Variants in SIRT2 observed in about 807,000 individuals in gnomAD.
SIRT2 encodes sirtuin 2.
Under a neutral mutation model 57.4 loss-of-function variants are expected in SIRT2, and 40 were observed. The ratio of observed to expected loss-of-function variants is 0.70; its 90% confidence interval spans 0.54 to 0.91. SIRT2 has a LOEUF of 0.91. Ranked by LOEUF, SIRT2 falls within the 40% of genes least tolerant of loss-of-function variation. SIRT2 has a pLI of 0.00. For missense variants in SIRT2, 439 were observed against 510.4 expected, an observed-to-expected ratio of 0.86 and a Z score of 1.35; for synonymous variants, 161 against 195.7, an observed-to-expected ratio of 0.82 and a Z score of 1.48.
At chr19:38,893,724 C>T (rs1600126894) in intron 3 of SIRT2, 95 bp downstream of exon 3, 1 of 1,474,278 alleles carries the variant, frequency 6.8e-7, no homozygotes, top group Non-Finnish European at 9.4e-7. Context: ...GGATGTCACT[C>T]CTGATGGAGT....
Position 38,889,712 on chromosome 19 carries a change from C to T in SIRT2, c.409G>A (p.Glu137Lys), listed in dbSNP as rs753231190. ...ACCTTGAACTGCCCAGGATAGAGTT[C>T]CTTGGCGAGGGCGAAGAAGGGTTCC... ...HPEPFFALAK[E>K]LYPGQFKPTI... Residue 137 changes from glutamate (E) to lysine (K), a missense_variant, in exon 7 of 16, where the codon GAA becomes AAA. Glu to Lys is a moderately conservative substitution (Grantham distance 56). Transcript: ENST00000249396. 1.2e-6 allele frequency: 2 copies of T among 1,614,106 alleles called. No individual in the cohort carries two copies. The highest frequency in any genetic ancestry group is 8.5e-7 in the Non-Finnish European group (1 of 1,180,022).
chr19:38,885,487 G>A (rs572248434), intron 8 of SIRT2, among the ~76,000 whole-genome samples: 12 of 149,618 alleles, frequency 8.0e-5, no homozygotes, highest in African/African-American at 2.7e-4. Flanking sequence ...GTACAATGGC[G>A]CTATCTCGGC....
chr19:38,887,227 C>T (rs1481632300), intron 8 of SIRT2, among the ~76,000 whole-genome samples: 2 of 152,156 alleles, frequency 1.3e-5, no homozygotes, highest in African/African-American at 4.8e-5. Context: ...CTTATATGCT[C>T]AGTATATGGT....
intron 8 of SIRT2, among the ~76,000 whole-genome samples, chr19:38,884,456 G>GTTTT (rs1169106739): frequency 2.0e-5 from 3 of 150,516 alleles, no homozygotes; most frequent in African/African-American, 7.4e-5. Flanking sequence ...TTGTTTGTTT[G>GTTTT]TTTGTTTTTT....
intron 4 of SIRT2, among the ~76,000 whole-genome samples, chr19:38,892,764 G>C (rs372847620): frequency 5.5e-5 from 8 of 146,142 alleles, no homozygotes; most frequent in Non-Finnish European, 1.0e-4. Context: ...TAGAGATGGC[G>C]GGGGGGTCTC....
chr19:38,891,104 C>T (rs904658719), intron 4 of SIRT2, among the ~76,000 whole-genome samples: 5 of 152,246 alleles, frequency 3.3e-5, no homozygotes, highest in Admixed American at 2.0e-4. Flanking sequence ...TACACTGAGT[C>T]GTGACCTTTT....
At chr19:38,897,157 G>A (rs901713616) in intron 2 of SIRT2, among the ~76,000 whole-genome samples, 1 of 152,166 alleles carries the variant, frequency 6.6e-6, no homozygotes, top group Non-Finnish European at 1.5e-5. Flanking sequence ...TCACAGGGAT[G>A]CCAGGAAGAT....
chr19:38,899,605 T>G lies in SIRT2; in HGVS notation c.-84A>C. The G allele has an allele frequency of 6.3e-7, 1 of 1,577,298 alleles. No homozygotes were observed. ...CTGTGTCCCGTCACCGACTGCTCTGTCCTGTCACCGACTGCTCTGTCCCGT... is the reference window on the plus strand; with the variant it reads ...CTGTGTCCCGTCACCGACTGCTCTGGCCTGTCACCGACTGCTCTGTCCCGT... On this transcript the variant is annotated 5_prime_UTR_variant, in exon 1 of 16. Coordinates refer to ENST00000249396, the MANE Select transcript of SIRT2 (RefSeq NM_012237.4).
chr19:38,878,924 A>C lies in SIRT2; in HGVS notation c.*231T>G. The C allele has an allele frequency of 2.0e-6, 1 of 503,448 alleles. No homozygotes were observed. Among genetic ancestry groups the C allele is most frequent in the Non-Finnish European group, 3.5e-6 (1 of 288,806 alleles). 31.2% of individuals were successfully genotyped at this position (503,448 alleles called of 1,614,324 possible). ...CCTTAGCCCAGGAGTGGTTAGAGAC[A>C]GTGGGGCTGGTAGAGATGCCTGTTT... On this transcript the variant is annotated 3_prime_UTR_variant, in exon 16 of 16. Transcript: ENST00000249396.
In SIRT2 at chr19:38,889,924, G is replaced by T; in HGVS notation, c.306C>A (p.Gly102=). The T allele has an allele frequency of 6.2e-7, 1 of 1,614,154 alleles. No homozygotes were observed. ...GGTACTTCTCTAGGTTGTCATAGAG[G>T]CCGGTGGATGGAGAGCGAAAGTCGG... ...GIPDFRSPST[G]LYDNLEKYHL... The change falls in exon 6 of 16, where the codon GGC becomes GGA. Residue 102 remains glycine (G), a synonymous_variant. Transcript: ENST00000249396.
At chr19:38,879,796 C>T in intron 13 of SIRT2, 94 bp from the exon 14 acceptor site, 1 of 854,696 alleles carries the variant, frequency 1.2e-6, no homozygotes, top group Non-Finnish European at 1.8e-6. Flanking sequence ...TGTATCCTAG[C>T]TCTGTGACTT....
chr19:38,879,546 G>T (rs1436685031), intron 14 of SIRT2, 46 bp from the exon 15 acceptor site: 1 of 1,566,992 alleles, frequency 6.4e-7, no homozygotes, highest in East Asian at 2.4e-5. Flanking sequence ...GCTCGCCCCT[G>T]CCTGCTCCTC....
intron 9 of SIRT2, among the ~76,000 whole-genome samples, chr19:38,883,075 G>GTTTT (rs61706756): frequency 1.6e-4 from 18 of 110,376 alleles, no homozygotes; most frequent in African/African-American, 2.9e-4. Flanking sequence ...GTGACTTCTT[G>GTTTT]TTTTTTTTTT....
At chr19:38,893,730 G>T in intron 3 of SIRT2, 89 bp downstream of exon 3, 1 of 1,485,006 alleles carries the variant, frequency 6.7e-7, no homozygotes, top group Non-Finnish European at 9.3e-7. Flanking sequence ...CACTCCTGAT[G>T]GAGTTGAGGA....
At chr19:38,879,996 T>C in intron 13 of SIRT2, 1 of 387,932 alleles carries the variant, frequency 2.6e-6, no homozygotes, top group Non-Finnish European at 4.8e-6. Flanking sequence ...CGGCTAATTT[T>C]GTATTATTAG....
At position 38,898,464 on chromosome 19, in the gene SIRT2, C is replaced by T. The variant is rs768125377; in HGVS notation, c.17-39G>A. On this transcript the variant is annotated intron_variant, in intron 1 of 15. Transcript: ENST00000249396. ...GCAGAGGTGGTTACAGTGGGGAGAACGATTAAGGGGGGAATAAAGGGGTTC... is the reference window on the plus strand; with the variant it reads ...GCAGAGGTGGTTACAGTGGGGAGAATGATTAAGGGGGGAATAAAGGGGTTC... 2.9e-6 allele frequency: 4 copies of T among 1,382,300 alleles called. No individual in the cohort carries two copies. The East Asian group carries it at 1.0e-4, about 35-fold the overall frequency. 85.6% of individuals were successfully genotyped at this position (1,382,300 alleles called of 1,614,324 possible). A position where few individuals can be genotyped will look rare whatever the true frequency, so the allele number is the denominator to read the frequency against.
chr19:38,881,352 G>A, intron 10 of SIRT2, 80 bp downstream of exon 10: 5 of 1,339,590 alleles, frequency 3.7e-6, no homozygotes, highest in South Asian at 1.2e-5. Context: ...GTGTGCGGGT[G>A]TGGCCTTTGG....
rs550989255 is a variant in SIRT2 at position 38,880,983 on chromosome 19, C to T, written c.748-86G>A. 88 of 1,544,830 alleles carry T rather than the reference C, an allele frequency of 5.7e-5. No individual in the cohort carries two copies. In the South Asian group the frequency reaches 7.9e-4, roughly 14 times the overall value. Reference sequence around the variant, plus strand: ...CGCCCCCAGCAGCAAACCTCCCTGCCGCCCCCCATAGCTGGGGAGGTGACC... The same window carrying T: ...CGCCCCCAGCAGCAAACCTCCCTGCTGCCCCCCATAGCTGGGGAGGTGACC... On this transcript the variant is annotated intron_variant, in intron 11 of 15. Coordinates refer to ENST00000249396, the MANE Select transcript of SIRT2 (RefSeq NM_012237.4). The surrounding 1 kb of genome is among the most constrained non-coding windows in gnomAD (Gnocchi z 4.1).
chr19:38,893,963 G>A, intron 2 of SIRT2, 96 bp from the exon 3 acceptor site: 1 of 1,586,500 alleles, frequency 6.3e-7, no homozygotes, highest in East Asian at 2.2e-5. Flanking sequence ...GCTGTGGCAG[G>A]AAGGTGGCCT....
Sources: allele counts gnomAD v4.1 joint callset (sites outside exome capture counted in the v4.1 genomes callset), GRCh38; gene constraint gnomAD v4.1.1; non-coding constraint Gnocchi (gnomAD v3.1); transcripts MANE v1.5; gene names NCBI Gene and HGNC (gene_info 2026-07-23, HGNC 2026-07-21).